KLHL32: variants seen among roughly 807,000 people sequenced by gnomAD.
KLHL32 encodes the protein kelch-like protein 32.
Under a neutral mutation model 64.8 loss-of-function variants are expected in KLHL32, and 35 were observed. The ratio of observed to expected loss-of-function variants is 0.54; its 90% CI spans 0.41 to 0.72. KLHL32 has a LOEUF of 0.72. Ranked by LOEUF, KLHL32 falls within the 30% of genes least tolerant of loss-of-function variation. The pLI, the probability that KLHL32 is intolerant of heterozygous loss-of-function variation, is 0.00. For synonymous variants in KLHL32, 259 were observed against 281.0 expected, an observed-to-expected ratio of 0.92 and a Z score of 0.78; for missense variants, 589 against 768.5, an observed-to-expected ratio of 0.77 and a Z score of 2.76.
At position 96,951,052 on chromosome 6, in the gene KLHL32, G is replaced by A. The variant is rs1312202689; in HGVS notation, c.-65-15944G>A. Among the ~76,000 whole-genome samples, 3 of 152,118 alleles carry A rather than the reference G, an allele frequency of 2.0e-5. No individual in the cohort carries two copies. The East Asian group carries it at 5.8e-4, about 29-fold the overall frequency. On this transcript the variant is annotated intron_variant, in intron 1 of 10. Coordinates refer to ENST00000369261, the MANE Select transcript of KLHL32 (RefSeq NM_052904.4). ...TAATTCTGAATGTTTTGTAAGTTAG[G>A]TTAGAACTGTGACCTGATCTAAACA... is the stretch of plus-strand genomic sequence containing the variant.
chr6:97,082,773 T>G (rs1335500792), intron 5 of KLHL32, among the ~76,000 whole-genome samples: 1 of 152,152 alleles, frequency 6.6e-6, no homozygotes, highest in African/African-American at 2.4e-5. Context: ...GTCAGTCATA[T>G]AGATGTGGAA....
chr6:97,140,553 A>G lies in KLHL32; in HGVS notation c.*1271A>G, dbSNP rs1800581098. The stretch of plus-strand genomic sequence containing the variant: ...ACTTAATAATCACATTTGAAAACAA[A>G]TTTAACAAGTATAATGTGAGTTTTT... On this transcript the variant is annotated 3_prime_UTR_variant, in exon 11 of 11. Coordinates refer to ENST00000369261, the MANE Select transcript of KLHL32 (RefSeq NM_052904.4). 1 of 152,070 alleles carries G rather than the reference A, an allele frequency of 6.6e-6. No homozygotes were observed. The highest frequency in any genetic ancestry group is 2.4e-5 in the African/African-American group (1 of 41,438). The allele number at this position is 152,070 out of a possible 1,614,324, so 9.4% of individuals were successfully genotyped here.
the KLHL32 span, among the ~76,000 whole-genome samples, chr6:96,907,349 T>C: frequency 6.6e-6 from 1 of 152,234 alleles, no homozygotes; most frequent in Non-Finnish European, 1.5e-5. Flanking sequence ...CTTTTAGTGA[T>C]ACATCTTATT....
At chr6:97,031,682 T>C (rs1783576933) in intron 3 of KLHL32, among the ~76,000 whole-genome samples, 1 of 152,140 alleles carries the variant, frequency 6.6e-6, no homozygotes, top group South Asian at 2.1e-4. Context: ...AAAGTGGAAG[T>C]TCTGTATTTA....
the KLHL32 span, among the ~76,000 whole-genome samples, chr6:96,913,196 T>C: frequency 3.9e-5 from 6 of 152,204 alleles, no homozygotes; most frequent in African/African-American, 1.4e-4. Context: ...AGGTACATCA[T>C]AACTCCAATT....
At chr6:97,071,336 A>G (rs1430322634) in intron 5 of KLHL32, among the ~76,000 whole-genome samples, 2 of 151,872 alleles carry the variant, frequency 1.3e-5, no homozygotes, top group African/African-American at 2.4e-5. Flanking sequence ...CGGGAGCTGC[A>G]TTCTTTCCTG....
the KLHL32 span, among the ~76,000 whole-genome samples, chr6:96,912,238 A>G: frequency 6.6e-6 from 1 of 151,886 alleles, no homozygotes; most frequent in East Asian, 1.9e-4. Flanking sequence ...TCCTTCCTGG[A>G]TTTCACCCTC....
rs569322253 is a variant in KLHL32 at position 97,128,893 on chromosome 6, A to G, written c.1413+1431A>G. Among the ~76,000 whole-genome samples, 12 of 152,350 alleles carry G rather than the reference A, an allele frequency of 7.9e-5. No homozygotes were observed. The South Asian group carries it at 2.5e-3, about 32-fold the overall frequency. ...CCATAGTCTGGTGGCAGGGGACTGGACTGCTAATGCAAACATTGATTCCTA... is the reference window on the plus strand; with the variant it reads ...CCATAGTCTGGTGGCAGGGGACTGGGCTGCTAATGCAAACATTGATTCCTA... On this transcript the variant is annotated intron_variant, in intron 8 of 10. Transcript: ENST00000369261.
chr6:96,942,039 T>G (rs17057145), intron 1 of KLHL32, among the ~76,000 whole-genome samples: 10,016 of 152,264 alleles, frequency 0.066, 344 homozygotes, highest in South Asian at 0.12. Flanking sequence ...GTAAGGTCTG[T>G]TTATGGAACC....
chr6:97,000,370 A>G (rs1778882189), intron 3 of KLHL32, among the ~76,000 whole-genome samples: 2 of 152,210 alleles, frequency 1.3e-5, no homozygotes, highest in Non-Finnish European at 1.5e-5. Flanking sequence ...ATTGTTACAC[A>G]CTGTGTCAGT....
chr6:97,023,629 G>T (rs1180560989), intron 3 of KLHL32, among the ~76,000 whole-genome samples: 1 of 152,096 alleles, frequency 6.6e-6, no homozygotes, highest in Non-Finnish European at 1.5e-5. Flanking sequence ...ATTCTTAGTG[G>T]ATGCATACTG....
chr6:97,137,061 T>C (rs928800243), intron 10 of KLHL32, among the ~76,000 whole-genome samples: 4 of 152,292 alleles, frequency 2.6e-5, no homozygotes, highest in African/African-American at 9.6e-5. Flanking sequence ...CTTAACCTTA[T>C]AGAGTTGTGG....
At chr6:97,114,734 A>C (rs1281484945) in intron 7 of KLHL32, among the ~76,000 whole-genome samples, 4 of 152,196 alleles carry the variant, frequency 2.6e-5, no homozygotes, top group African/African-American at 9.7e-5. Flanking sequence ...ATAAAAATTC[A>C]AGGTGGAAAT....
chr6:97,124,783 C>A (rs1798711391), intron 7 of KLHL32, among the ~76,000 whole-genome samples: 2 of 152,202 alleles, frequency 1.3e-5, no homozygotes, highest in Middle Eastern at 3.4e-3. Flanking sequence ...AAAGCACTAG[C>A]AATTATTTTA....
At chr6:96,971,943 C>T (rs1775161185) in intron 2 of KLHL32, among the ~76,000 whole-genome samples, 1 of 152,102 alleles carries the variant, frequency 6.6e-6, no homozygotes, top group Admixed American at 6.6e-5. Context: ...ACCTCTGCTT[C>T]CCGGGTTCAA....
chr6:96,989,097 A>G (rs912826478), intron 3 of KLHL32, among the ~76,000 whole-genome samples: 1 of 152,238 alleles, frequency 6.6e-6, no homozygotes, highest in Non-Finnish European at 1.5e-5. Flanking sequence ...TAAAATTTAA[A>G]GTATAATAAA....
chr6:96,947,328 GA>G (rs561805807), intron 1 of KLHL32, among the ~76,000 whole-genome samples: 123 of 152,304 alleles, frequency 8.1e-4, no homozygotes, highest in African/African-American at 2.9e-3. Context: ...GGTTCCAAGT[GA>G]TGCCCAATTC....
chr6:96,971,510 C>T (rs1775099848), intron 2 of KLHL32, among the ~76,000 whole-genome samples: 1 of 152,196 alleles, frequency 6.6e-6, no homozygotes, highest in African/African-American at 2.4e-5. Flanking sequence ...GAATAATCCT[C>T]TTTCCTGAGA....
intron 1 of KLHL32, among the ~76,000 whole-genome samples, chr6:96,951,929 G>GA (rs1772674818): frequency 6.6e-6 from 1 of 152,136 alleles, no homozygotes; most frequent in South Asian, 2.1e-4. Context: ...GTCAATCAGA[G>GA]AAAAAAATTG....
Sources: allele counts gnomAD v4.1 joint callset (sites outside exome capture counted in the v4.1 genomes callset), GRCh38; gene constraint gnomAD v4.1.1; transcripts MANE v1.5; gene names NCBI Gene and HGNC (gene_info 2026-07-23, HGNC 2026-07-21).